DPYD: variants seen among roughly 807,000 people sequenced by gnomAD.
DPYD encodes the protein dihydropyrimidine dehydrogenase.
In DPYD, 109 loss-of-function variants were observed where a neutral mutation model predicts 116.2. That is an observed-to-expected ratio of 0.94 (90% CI 0.80 to 1.10). DPYD has a LOEUF of 1.10. DPYD is among the 50% of genes least tolerant of loss of function. The pLI is 0.00. For missense variants in DPYD, 1,302 were observed against 1,254.5 expected (o/e 1.04, Z -0.57); for synonymous variants, 440 against 432.0 (o/e 1.02, Z -0.23).
chr1:97,603,129 T>C (rs774184953), intron 8 of DPYD, among the ~76,000 whole-genome samples: 9 of 152,024 alleles, frequency 5.9e-5, no homozygotes, highest in African/African-American at 9.7e-5. Flanking sequence ...CATTGTGAAG[T>C]AAGGGTAAGC....
intron 11 of DPYD, among the ~76,000 whole-genome samples, chr1:97,570,604 A>T (rs1467355464): frequency 6.6e-6 from 1 of 152,024 alleles, no homozygotes; most frequent in Non-Finnish European, 1.5e-5. Flanking sequence ...ATAATTAGAA[A>T]TTTGAACTGG....
chr1:97,173,364 A>ATACATATATGTGTGTATATACG (rs1175711139), intron 20 of DPYD, among the ~76,000 whole-genome samples: 3 of 149,932 alleles, frequency 2.0e-5, no homozygotes, highest in African/African-American at 7.4e-5. Context: ...ATGTACATAT[A>ATACATATATGTGTGTATATACG]TACATATATG....
At chr1:97,361,905 G>A (rs1234918978) in intron 16 of DPYD, among the ~76,000 whole-genome samples, 1 of 152,226 alleles carries the variant, frequency 6.6e-6, no homozygotes, top group Admixed American at 6.5e-5. Flanking sequence ...AGACAGGGAT[G>A]CCCTCTCTCA....
chr1:97,405,973 T>C (rs1232164255), intron 14 of DPYD, among the ~76,000 whole-genome samples: 5 of 152,190 alleles, frequency 3.3e-5, no homozygotes, highest in Non-Finnish European at 5.9e-5. Context: ...TTTGAGAAGT[T>C]TGTCAAGCTT....
chr1:97,127,908 T>C (rs979033569), intron 20 of DPYD, among the ~76,000 whole-genome samples: 4 of 152,140 alleles, frequency 2.6e-5, no homozygotes, highest in Non-Finnish European at 4.4e-5. Flanking sequence ...CACGGTTCCA[T>C]GTACTGCAAT....
intron 14 of DPYD, among the ~76,000 whole-genome samples, chr1:97,396,426 T>A (rs968804418): frequency 1.8e-4 from 28 of 152,204 alleles, no homozygotes; most frequent in African/African-American, 6.7e-4. Flanking sequence ...TGTGTCAGTT[T>A]TTTATTATAT....
chr1:97,603,979 G>A (rs750528745), intron 8 of DPYD, among the ~76,000 whole-genome samples: 6 of 152,224 alleles, frequency 3.9e-5, no homozygotes, highest in South Asian at 2.1e-4. Flanking sequence ...GCTAAGAATC[G>A]TTCTGAATTA....
At chr1:97,242,519 G>A (rs563750123) in intron 18 of DPYD, among the ~76,000 whole-genome samples, 1 of 151,432 alleles carries the variant, frequency 6.6e-6, no homozygotes, top group Non-Finnish European at 1.5e-5. Flanking sequence ...CTGTTCACAG[G>A]TATCATCTCT....
At chr1:97,123,880 C>T (rs538346080) in intron 20 of DPYD, among the ~76,000 whole-genome samples, 115 of 152,174 alleles carry the variant, frequency 7.6e-4, no homozygotes, top group African/African-American at 2.7e-3. Context: ...GAGGACTGTG[C>T]AGGTTCTGAG....
At chr1:97,317,799 T>C (rs1240437971) in intron 16 of DPYD, among the ~76,000 whole-genome samples, 2 of 151,950 alleles carry the variant, frequency 1.3e-5, no homozygotes, top group African/African-American at 4.8e-5. Flanking sequence ...GTCCTGGGAA[T>C]GTTATGAAAT....
At chr1:97,670,909 A>G (rs1284712618) in intron 8 of DPYD, among the ~76,000 whole-genome samples, 1 of 152,212 alleles carries the variant, frequency 6.6e-6, no homozygotes, top group African/African-American at 2.4e-5. Context: ...TAATTTAGGT[A>G]ACTACCATAA....
rs80150681 is a variant in DPYD, at chr1:97,461,538, G to A, written c.1741-11315C>T. On this transcript the variant is annotated intron_variant, in intron 13 of 22. Transcript: ENST00000370192. ...AAAATGGAAAGAAAAAAATGAGGAG[G>A]ATAAAAAGTTTGTTTCTGCCAAGAA... is the stretch of plus-strand genomic sequence containing the variant. Among the ~76,000 whole-genome samples the A allele has an allele frequency of 3.7e-4, 56 of 152,154 alleles. No individual in the cohort carries two copies. The East Asian group carries it at 9.1e-3, about 25-fold the overall frequency.
intron 8 of DPYD, among the ~76,000 whole-genome samples, chr1:97,632,685 G>C (rs1164525635): frequency 2.6e-5 from 4 of 152,034 alleles, no homozygotes; most frequent in Admixed American, 6.6e-5. Context: ...TTGAAATGTT[G>C]TGCAAATAAG....
intron 12 of DPYD, among the ~76,000 whole-genome samples, chr1:97,534,970 T>C (rs1268944334): frequency 6.6e-6 from 1 of 152,126 alleles, no homozygotes; most frequent in African/African-American, 2.4e-5. Flanking sequence ...GATAACGTAT[T>C]GGAGATTTTA....
At chr1:97,445,415 C>G (rs1489364384) in intron 14 of DPYD, among the ~76,000 whole-genome samples, 1 of 152,108 alleles carries the variant, frequency 6.6e-6, no homozygotes, top group African/African-American at 2.4e-5. Context: ...GCATTAAGAC[C>G]CCTTCATGCA....
intron 14 of DPYD, among the ~76,000 whole-genome samples, chr1:97,425,259 C>T (rs1207375587): frequency 6.6e-6 from 1 of 152,038 alleles, no homozygotes; most frequent in Non-Finnish European, 1.5e-5. Flanking sequence ...ATAGGTCTCC[C>T]TCTTACAACA....
chr1:97,740,382 C>G lies in DPYD; in HGVS notation c.321+10G>C, dbSNP rs1232341618. On this transcript the variant is annotated intron_variant, in intron 4 of 22. Transcript: ENST00000370192. Reference sequence around the variant, plus strand: ...GTTATTTTCATTTGCAGAGTTAAATCTGAATTTACCTTGTTTGCAATACTT... The same window carrying G: ...GTTATTTTCATTTGCAGAGTTAAATGTGAATTTACCTTGTTTGCAATACTT... 2 of 1,601,426 alleles carry G rather than the reference C, an allele frequency of 1.2e-6. No homozygotes were observed. The highest frequency in any genetic ancestry group is 1.7e-5 in the Admixed American group (1 of 59,964).
chr1:97,515,532 AG>A (rs1648152031), intron 13 of DPYD, among the ~76,000 whole-genome samples, 193 bp downstream of exon 13: 1 of 151,986 alleles, frequency 6.6e-6, no homozygotes, highest in South Asian at 2.1e-4. Context: ...ATACTAAATG[AG>A]CAATATATGC....
At chr1:97,757,814 T>C (rs1199278260) in intron 3 of DPYD, among the ~76,000 whole-genome samples, 1 of 152,138 alleles carries the variant, frequency 6.6e-6, no homozygotes, top group African/African-American at 2.4e-5. Context: ...GTATTCACAA[T>C]ATGTAGGAAG....
Sources: allele counts gnomAD v4.1 joint callset (sites outside exome capture counted in the v4.1 genomes callset), GRCh38; gene constraint gnomAD v4.1.1; transcripts MANE v1.5; gene names NCBI Gene and HGNC (gene_info 2026-07-23, HGNC 2026-07-21).